SANBR: variants seen among roughly 807,000 people sequenced by gnomAD.
SANBR encodes the protein SANT and BTB domain regulator of class switch recombination.
Under a neutral mutation model 101.8 loss-of-function variants are expected in SANBR, and 77 were observed. The observed-to-expected ratio is 0.76, with a 90% CI of 0.63 to 0.91. The LOEUF (loss-of-function observed/expected upper bound fraction) is 0.91, where lower values mean the gene tolerates loss of function less well. Ranked by LOEUF, SANBR falls within the 40% of genes least tolerant of loss-of-function variation. The probability of loss-of-function intolerance (pLI) is 0.00; values close to 1 mark genes in which losing one functional copy is unlikely to be tolerated. For missense variants in SANBR, 875 were observed against 853.0 expected (o/e 1.03, Z -0.32); for synonymous variants, 279 against 274.7 (o/e 1.02, Z -0.15).
chr2:61,103,370 C>A (rs1683389706), intron 12 of SANBR, among the ~76,000 whole-genome samples: 1 of 152,100 alleles, frequency 6.6e-6, no homozygotes, highest in East Asian at 1.9e-4. Flanking sequence ...AACTCCTGGG[C>A]TCAAGCAATC....
chr2:61,082,814 A>G (rs1682207919), intron 7 of SANBR, among the ~76,000 whole-genome samples: 2 of 152,058 alleles, frequency 1.3e-5, no homozygotes, highest in South Asian at 4.1e-4. Flanking sequence ...GCAAGACTCC[A>G]TCTCAGAAAA....
chr2:61,117,301 G>A (rs1340595921), intron 17 of SANBR, 56 bp from the exon 18 acceptor site: 1 of 1,465,872 alleles, frequency 6.8e-7, no homozygotes, highest in Non-Finnish European at 9.6e-7. Context: ...ACTAACTATA[G>A]CACTAATCAG....
Position 61,081,705 on chromosome 2 carries a change from G to A in SANBR, c.729+195G>A, listed in dbSNP as rs369331280. 3.9e-5 allele frequency among the ~76,000 whole-genome samples: 6 copies of A among 152,160 alleles called. No homozygotes were observed. The East Asian group carries it at 9.6e-4, about 24-fold the overall frequency. Reference sequence around the variant, plus strand: ...GCTCTGTCACCCAGGCTGGAGTGCAGTGGCATGATCTCAGCTCACTGCAAC... The same window carrying A: ...GCTCTGTCACCCAGGCTGGAGTGCAATGGCATGATCTCAGCTCACTGCAAC... On this transcript the variant is annotated intron_variant, in intron 7 of 21. Transcript: ENST00000402291.
chr2:61,132,890 T>C (rs1684729071), intron 20 of SANBR, among the ~76,000 whole-genome samples: 1 of 152,236 alleles, frequency 6.6e-6, no homozygotes, highest in African/African-American at 2.4e-5. Context: ...GATCACACGC[T>C]GCATGACTCT....
At chr2:61,128,751 C>T (rs1002345743), downstream of SANBR, among the ~76,000 whole-genome samples, 21 of 152,266 alleles carry the variant, frequency 1.4e-4, no homozygotes, top group Non-Finnish European at 2.8e-4. Context: ...GCCTCGGCCC[C>T]CCAGAGTGCT....
chr2:61,104,053 T>C, intron 13 of SANBR, 55 bp downstream of exon 13: 1 of 1,523,524 alleles, frequency 6.6e-7, no homozygotes. Flanking sequence ...CAGTTCCCAT[T>C]TCAGAATCCC....
At chr2:61,096,742 A>T (rs1683049716) in intron 11 of SANBR, among the ~76,000 whole-genome samples, 1 of 152,014 alleles carries the variant, frequency 6.6e-6, no homozygotes, top group Non-Finnish European at 1.5e-5. Flanking sequence ...AACAATTGAA[A>T]CCTGATGTTT....
chr2:61,120,360 C>T (rs572284616), intron 20 of SANBR, among the ~76,000 whole-genome samples: 3 of 152,160 alleles, frequency 2.0e-5, no homozygotes, highest in East Asian at 1.9e-4. Context: ...ATTAGCTGGG[C>T]GTGGTGGTGC....
Position 61,077,111 on chromosome 2 carries a change from T to C in SANBR, c.623T>C (p.Ile208Thr). The C allele has an allele frequency of 6.2e-7, 1 of 1,613,852 alleles. No homozygotes were observed. The highest frequency in any genetic ancestry group is 8.5e-7 in the Non-Finnish European group (1 of 1,179,770). Residue 208 changes from isoleucine to threonine, a missense_variant, in exon 6 of 22, where the codon ATT becomes ACT. By Grantham distance (89) the Ile-to-Thr change is moderately conservative. Coordinates refer to ENST00000402291, the MANE Select transcript of SANBR (RefSeq NM_001129993.3). ...VHIFNWLIKYIKRNTKENKDC... is the reference protein window; with the variant it reads ...VHIFNWLIKYTKRNTKENKDC... ...ATTTTCAACTGGTTGATAAAATACATTAAAAGGAACACTAAGGAGAATAAA... is the reference window on the plus strand; with the variant it reads ...ATTTTCAACTGGTTGATAAAATACACTAAAAGGAACACTAAGGAGAATAAA...
chr2:61,074,486 G>A (rs1412164528), intron 5 of SANBR, among the ~76,000 whole-genome samples: 1 of 152,186 alleles, frequency 6.6e-6, no homozygotes, highest in East Asian at 1.9e-4. Context: ...TCAGCTCTCT[G>A]CAACTTCTGC....
intron 10 of SANBR, among the ~76,000 whole-genome samples, chr2:61,091,927 A>G (rs998789422): frequency 6.6e-6 from 1 of 152,220 alleles, no homozygotes; most frequent in Non-Finnish European, 1.5e-5. Flanking sequence ...TTACTAAAAG[A>G]TACTTGAAAA....
intron 2 of SANBR, chr2:61,069,639 G>T (rs1049026339): frequency 6.6e-6 from 1 of 152,284 alleles, no homozygotes; most frequent in African/African-American, 2.4e-5. Flanking sequence ...GTAAATTAAT[G>T]TTCCCACTTT....
At chr2:61,078,419 A>G (rs939421746) in intron 6 of SANBR, among the ~76,000 whole-genome samples, 3 of 151,022 alleles carry the variant, frequency 2.0e-5, no homozygotes, top group African/African-American at 7.3e-5. Flanking sequence ...AAACAGTGCT[A>G]CTCTTTACTC....
At chr2:61,110,016 C>G (rs1683754614) in intron 16 of SANBR, among the ~76,000 whole-genome samples, 1 of 151,970 alleles carries the variant, frequency 6.6e-6, no homozygotes, top group Non-Finnish European at 1.5e-5. Context: ...CTCATTAGTT[C>G]CGAGAAACAG....
intron 20 of SANBR, among the ~76,000 whole-genome samples, chr2:61,118,400 G>A (rs570386686): frequency 3.5e-5 from 5 of 144,648 alleles, no homozygotes; most frequent in Admixed American, 6.9e-5. Flanking sequence ...ACCACCATGC[G>A]CAGCTGATTT....
At chr2:61,091,590 G>A (rs6709410) in intron 10 of SANBR, among the ~76,000 whole-genome samples, 3 of 113,520 alleles carry the variant, frequency 2.6e-5, no homozygotes, top group Non-Finnish European at 3.6e-5. Context: ...GTGAAACTCC[G>A]TCCAAAAAAA....
At position 61,082,596 on chromosome 2, in the gene SANBR, G is replaced by A. The variant is rs558007090; in HGVS notation, c.730-558G>A. Among the ~76,000 whole-genome samples the A allele has an allele frequency of 2.8e-4, 43 of 152,264 alleles. No individual in the cohort carries two copies. In the South Asian group the frequency reaches 8.1e-3, roughly 29 times the overall value. On this transcript the variant is annotated intron_variant, in intron 7 of 21. Coordinates refer to ENST00000402291, the MANE Select transcript of SANBR (RefSeq NM_001129993.3). ...TAGCACTTGGGAGGCCAAGGCAGGC[G>A]GATCACGAGGTCAGGAGTTCAAGAC...
At position 61,077,068 on chromosome 2, in the gene SANBR, G is replaced by T. The variant is rs1376182820; in HGVS notation, c.580G>T (p.Val194Phe). The T allele has an allele frequency of 6.2e-7, 1 of 1,614,058 alleles. No homozygotes were observed. The change falls in exon 6 of 22, where the codon GTT (valine) becomes TTT (phenylalanine). Residue 194 changes from valine (V) to phenylalanine (F), a missense_variant. Coordinates refer to ENST00000402291, the MANE Select transcript of SANBR (RefSeq NM_001129993.3). Reference sequence around the variant, plus strand: ...GCGCTGGGAAGAGGTGGACATTTCAGTTCATTGCGACGTTCACATTTTCAA... The same window carrying T: ...GCGCTGGGAAGAGGTGGACATTTCATTTCATTGCGACGTTCACATTTTCAA... ...AQRWEEVDIS[V>F]HCDVHIFNWL...
chr2:61,104,167 T>C (rs931489700), intron 13 of SANBR, among the ~76,000 whole-genome samples, 169 bp downstream of exon 13: 2 of 152,180 alleles, frequency 1.3e-5, no homozygotes, highest in Non-Finnish European at 2.9e-5. Context: ...CAGATATTTA[T>C]ATGATAGGCA....
Sources: gnomAD v4.1 joint callset for allele counts (sites outside exome capture counted in the v4.1 genomes callset) on GRCh38, gnomAD v4.1.1 for gene constraint, MANE v1.5 for transcripts, NCBI Gene and HGNC (gene_info 2026-07-23, HGNC 2026-07-21) for gene names.